The following ANK2 variants were observed in gnomAD, a reference collection of about 807,000 sequenced individuals.
ANK2 encodes ankyrin 2, also known as ankyrin-2.
Under a neutral mutation model 360.5 loss-of-function variants are expected in ANK2, and 83 were observed. That is an observed-to-expected ratio of 0.23 (90% confidence interval 0.19 to 0.28). The LOEUF (loss-of-function observed/expected upper bound fraction) is 0.28. Ranked by LOEUF, ANK2 falls within the 10% of genes least tolerant of loss-of-function variation. The probability of loss-of-function intolerance (pLI) is 1.00; values close to 1 mark genes in which losing one functional copy is unlikely to be tolerated. For synonymous variants in ANK2, 1,740 were observed against 1,759.5 expected (o/e 0.99, Z 0.28); for missense variants, 4,201 against 4,795.7 (o/e 0.88, Z 3.66).
chr4:113,142,943 A>G (rs1270899658), intron 1 of ANK2, among the ~76,000 whole-genome samples: 4 of 152,102 alleles, frequency 2.6e-5, no homozygotes, highest in African/African-American at 9.7e-5. Flanking sequence ...AATCTGGAAA[A>G]GAAATTAAAT....
At chr4:112,862,594 A>G (rs1326194278) in intron 1 of ANK2, among the ~76,000 whole-genome samples, 13 of 152,230 alleles carry the variant, frequency 8.5e-5, no homozygotes, top group Admixed American at 8.5e-4. Flanking sequence ...TTGAATCCAA[A>G]TCCTTTCAGA....
chr4:113,362,243 G>C (rs925246981), intron 39 of ANK2, among the ~76,000 whole-genome samples: 3 of 151,924 alleles, frequency 2.0e-5, no homozygotes, highest in African/African-American at 7.3e-5. Flanking sequence ...CTTGTGCATT[G>C]GTATATTTTT....
At chr4:113,331,358 A>G (rs910421702) in intron 27 of ANK2, among the ~76,000 whole-genome samples, 38 of 152,304 alleles carry the variant, frequency 2.5e-4, no homozygotes, top group African/African-American at 8.9e-4. Flanking sequence ...ATTTGGACCA[A>G]ACTATTAGCA....
At chr4:112,761,455 C>T in the ANK2 span, among the ~76,000 whole-genome samples, 1 of 151,982 alleles carries the variant, frequency 6.6e-6, no homozygotes, top group African/African-American at 2.4e-5. Flanking sequence ...CCCGTCTCTA[C>T]TAAAAATACA....
At chr4:112,984,519 C>A (rs555561883) in intron 2 of ANK2, among the ~76,000 whole-genome samples, 3 of 152,254 alleles carry the variant, frequency 2.0e-5, no homozygotes, top group Admixed American at 1.3e-4. Flanking sequence ...TCAATTACCT[C>A]CCACCAAGTC....
intron 2 of ANK2, among the ~76,000 whole-genome samples, chr4:113,185,162 A>G (rs1192555863): frequency 1.3e-5 from 2 of 152,334 alleles, no homozygotes; most frequent in Admixed American, 6.5e-5. Flanking sequence ...GCTGCAATGA[A>G]CACACATGTG....
At chr4:113,065,774 T>C (rs677110) in intron 1 of ANK2, among the ~76,000 whole-genome samples, 130,462 of 152,202 alleles carry the variant, frequency 0.86, 56,226 homozygotes, top group African/African-American at 0.93. Context: ...GTTTCTAACA[T>C]CAAGTGGGGT....
In ANK2 at chr4:112,895,145, C is replaced by T. The variant is rs536277269; in HGVS notation, c.-39-9310C>T. ...CCTAAATAGTCTTAAACATATTTTC[C>T]TAATGGAAAATTCTTAATGGAAATT... On this transcript the variant is annotated intron_variant, in intron 1 of 30. Transcript: ENST00000503271. 7.2e-5 allele frequency among the ~76,000 whole-genome samples: 11 copies of T among 152,278 alleles called. No homozygotes were observed. In the South Asian group the frequency reaches 2.3e-3, roughly 32 times the overall value.
the ANK2 span, among the ~76,000 whole-genome samples, chr4:112,772,182 A>G: frequency 1.3e-5 from 2 of 152,178 alleles, no homozygotes; most frequent in Non-Finnish European, 2.9e-5. Context: ...ATGGACTCAC[A>G]TCACAGTTCC....
At chr4:113,071,103 A>G (rs2077379843) in intron 1 of ANK2, among the ~76,000 whole-genome samples, 1 of 152,206 alleles carries the variant, frequency 6.6e-6, no homozygotes, top group Non-Finnish European at 1.5e-5. Context: ...TGAGATGACA[A>G]CCATCCCATA....
the ANK2 span, among the ~76,000 whole-genome samples, chr4:112,806,000 C>G: frequency 2.2e-4 from 34 of 152,200 alleles, no homozygotes; most frequent in Non-Finnish European, 3.8e-4. Flanking sequence ...GTGTAATAAT[C>G]ACATCAGAGT....
chr4:112,816,095 A>G (rs540094284), upstream of ANK2, among the ~76,000 whole-genome samples: 1 of 152,272 alleles, frequency 6.6e-6, no homozygotes, highest in African/African-American at 2.4e-5. Flanking sequence ...AGTTGGGGGC[A>G]GTCTTGTGGA....
At position 113,347,043 on chromosome 4, in the gene ANK2, G is replaced by A. The variant is rs557394906; in HGVS notation, c.4371+1021G>A. On this transcript the variant is annotated intron_variant, in intron 35 of 45. Transcript: ENST00000357077. ...GGAAGGGTGATGAGTGGTGACTGCT[G>A]AGACCTGGAGGGGAAGTAGGAATAT... Among the ~76,000 whole-genome samples the A allele has an allele frequency of 1.5e-3, 231 of 152,246 alleles. 2 individuals carry two copies. In the Middle Eastern group the frequency reaches 0.017, roughly 11 times the overall value.
chr4:112,999,181 A>G (rs2049701589), intron 2 of ANK2, among the ~76,000 whole-genome samples: 1 of 152,172 alleles, frequency 6.6e-6, no homozygotes, highest in African/African-American at 2.4e-5. Context: ...GACAGATGCT[A>G]ATAGATAATT....
At chr4:113,141,657 C>T (rs746563267) in intron 1 of ANK2, among the ~76,000 whole-genome samples, 15 of 152,106 alleles carry the variant, frequency 9.9e-5, no homozygotes, top group Non-Finnish European at 1.6e-4. Context: ...GTGATCTATC[C>T]CTTTAGGTTA....
intron 1 of ANK2, among the ~76,000 whole-genome samples, chr4:113,064,125 T>A (rs1016143969): frequency 1.3e-5 from 2 of 152,222 alleles, no homozygotes; most frequent in African/African-American, 4.8e-5. Context: ...CAGTCCAGTT[T>A]AATTGCTGAA....
chr4:113,331,709 C>A (rs2092479688), intron 27 of ANK2, among the ~76,000 whole-genome samples: 1 of 152,098 alleles, frequency 6.6e-6, no homozygotes, highest in Non-Finnish European at 1.5e-5. Context: ...CATTTTTTCC[C>A]CCTTTTTGGC....
chr4:112,991,047 G>A (rs2046564613), intron 2 of ANK2, among the ~76,000 whole-genome samples: 1 of 151,908 alleles, frequency 6.6e-6, no homozygotes, highest in African/African-American at 2.4e-5. Context: ...GTCAAGAGAT[G>A]GGGACCATCC....
At chr4:113,343,204 CT>C in intron 34 of ANK2, 62 bp downstream of exon 34, 3 of 1,567,488 alleles carry the variant, frequency 1.9e-6, no homozygotes, top group Non-Finnish European at 2.6e-6. Flanking sequence ...ATTTGACTTC[CT>C]TTAGTAATAG....
Sources: allele counts gnomAD v4.1 joint callset (sites outside exome capture counted in the v4.1 genomes callset), GRCh38; gene constraint gnomAD v4.1.1; transcripts MANE v1.5; gene names NCBI Gene and HGNC (gene_info 2026-07-23, HGNC 2026-07-21).